The following SLC2A9 variants were observed in gnomAD, a reference collection of about 807,000 sequenced individuals.
The protein encoded by SLC2A9 is solute carrier family 2 member 9, also known as solute carrier family 2, facilitated glucose transporter member 9.
SLC2A9 carries 39 observed loss-of-function variants against 50.6 expected under a neutral mutation model. The observed-to-expected ratio is 0.77, with a 90% CI of 0.60 to 1.01. SLC2A9 has a LOEUF of 1.01. Ranked by LOEUF, SLC2A9 falls within the 50% of genes least tolerant of loss-of-function variation. SLC2A9 has a pLI of 0.00. For missense variants in SLC2A9, 686 were observed against 677.6 expected, an observed-to-expected ratio of 1.01 and a Z score of -0.14; for synonymous variants, 324 against 276.9, an observed-to-expected ratio of 1.17 and a Z score of -1.69.
chr4:9,875,356 G>A (rs925537858), intron 10 of SLC2A9, among the ~76,000 whole-genome samples: 7 of 152,278 alleles, frequency 4.6e-5, no homozygotes, highest in African/African-American at 1.2e-4. Context: ...GGGATGCTGT[G>A]TCTTTAGAAA....
chr4:9,887,596 G>A lies in SLC2A9; in HGVS notation c.1262C>T (p.Ala421Val). Residue 421 changes from alanine (A) to valine (V), a missense_variant, in exon 10 of 12, where the codon GCC (alanine) becomes GTC (valine). By Grantham distance (64) the Ala-to-Val change is moderately conservative (BLOSUM62 0). Coordinates refer to ENST00000264784, the MANE Select transcript of SLC2A9 (RefSeq NM_020041.3). ...VPYLSIVGILAIIASFCSGPG... is the reference protein window; with the variant it reads ...VPYLSIVGILVIIASFCSGPG... ...CCCACTGCAGAAAGAGGCGATGATG[G>A]CCAGAATGCCCACGATACTCAGGTA... 1 of 1,571,486 alleles carries A rather than the reference G, an allele frequency of 6.4e-7. No individual in the cohort carries two copies. Among genetic ancestry groups the A allele is most frequent in the Non-Finnish European group, 8.6e-7 (1 of 1,158,092 alleles).
At position 9,868,601 on chromosome 4, in the gene SLC2A9, G is replaced by T. The variant is rs556729769; in HGVS notation, c.1291+18966C>A. Among the ~76,000 whole-genome samples, 3 of 152,290 alleles carry T rather than the reference G, an allele frequency of 2.0e-5. No homozygotes were observed. The East Asian group carries it at 5.8e-4, about 29-fold the overall frequency. On this transcript the variant is annotated intron_variant, in intron 10 of 11. Transcript: ENST00000264784. ...GTCCTCTGCACCCCAGTTGTCACCT[G>T]TTGAGGAGCTCATATATAGGGGATA... is the stretch of plus-strand genomic sequence containing the variant.
chr4:9,990,745 C>T (rs980930339), intron 3 of SLC2A9, among the ~76,000 whole-genome samples: 1 of 152,154 alleles, frequency 6.6e-6, no homozygotes, highest in Non-Finnish European at 1.5e-5. Context: ...CCTGCCGTCC[C>T]GAAGTCTTCT....
chr4:10,011,741 C>G (rs1374713777), intron 2 of SLC2A9, among the ~76,000 whole-genome samples: 5 of 152,156 alleles, frequency 3.3e-5, no homozygotes, highest in Non-Finnish European at 7.3e-5. Context: ...TCACTGGAAA[C>G]AGAAAGGACA....
chr4:9,901,159 G>A (rs1258095734), intron 8 of SLC2A9, among the ~76,000 whole-genome samples: 1 of 152,146 alleles, frequency 6.6e-6, no homozygotes, highest in East Asian at 1.9e-4. Context: ...CAGGGGTTTG[G>A]GTTGGGAGCC....
At chr4:9,794,281 C>T (rs140058233), downstream of SLC2A9, among the ~76,000 whole-genome samples, 2,937 of 152,062 alleles carry the variant, frequency 0.019, 118 homozygotes, top group African/African-American at 0.066. Flanking sequence ...CAGCCTCCCG[C>T]GTAGCTGGGA....
chr4:9,856,506 T>C (rs1730731497), intron 10 of SLC2A9, among the ~76,000 whole-genome samples: 1 of 152,178 alleles, frequency 6.6e-6, no homozygotes, highest in African/African-American at 2.4e-5. Context: ...AAAGCTTATA[T>C]ACTGTTGGTG....
intron 2 of SLC2A9, among the ~76,000 whole-genome samples, chr4:10,001,608 C>T (rs1350222150): frequency 2.0e-5 from 3 of 152,176 alleles, no homozygotes; most frequent in Non-Finnish European, 1.5e-5. Context: ...TCCACCATTC[C>T]ACCACTCAAC....
chr4:9,812,251 C>A (rs1722983745), intron 3 of SLC2A9, among the ~76,000 whole-genome samples: 1 of 152,210 alleles, frequency 6.6e-6, no homozygotes, highest in Non-Finnish European at 1.5e-5. Context: ...ATTCATTCAG[C>A]TGCACTTTAT....
exon 2 of SLC2A9, chr4:9,771,352 C>T (rs1405798105): frequency 1.0e-5 from 4 of 394,446 alleles, no homozygotes; most frequent in Non-Finnish European, 1.8e-5. Flanking sequence ...GCAGGTCTGC[C>T]TTCTTGACAT....
intron 10 of SLC2A9, among the ~76,000 whole-genome samples, chr4:9,865,802 G>C (rs1454778220): frequency 6.7e-6 from 1 of 149,944 alleles, no homozygotes; most frequent in African/African-American, 2.5e-5. Flanking sequence ...AGCTGGTTTT[G>C]TTAGACGGTC....
chr4:9,832,427 C>T lies in SLC2A9; in HGVS notation c.1419+2454G>A, dbSNP rs117012377. On this transcript the variant is annotated intron_variant, in intron 11 of 11. Transcript: ENST00000264784. ...CAGGAGGCTGACATTTCACAAAATA[C>T]TAAACGTATCTACCTGCCCAGTGTC... Among the ~76,000 whole-genome samples, 10 of 152,302 alleles carry T rather than the reference C, an allele frequency of 6.6e-5. No homozygotes were observed. In the East Asian group the frequency reaches 1.9e-3, roughly 29 times the overall value.
At chr4:9,987,434 AG>A (rs549814877) in intron 3 of SLC2A9, among the ~76,000 whole-genome samples, 1 of 152,332 alleles carries the variant, frequency 6.6e-6, no homozygotes, top group South Asian at 2.1e-4. Context: ...AACTTGTTTT[AG>A]GTCATATAGT....
chr4:10,032,585 T>C (rs938271834), intron 1 of SLC2A9, among the ~76,000 whole-genome samples: 1 of 151,922 alleles, frequency 6.6e-6, no homozygotes, highest in East Asian at 1.9e-4. Context: ...GAGACCAAAT[T>C]TGGCCCACAT....
intron 2 of SLC2A9, among the ~76,000 whole-genome samples, chr4:10,009,008 A>G (rs1038227985): frequency 5.3e-5 from 8 of 152,006 alleles, no homozygotes; most frequent in African/African-American, 1.7e-4. Flanking sequence ...TGAGGGGACA[A>G]AACTCTGGGA....
chr4:10,002,387 G>A (rs973313668), intron 2 of SLC2A9, among the ~76,000 whole-genome samples: 87 of 152,222 alleles, frequency 5.7e-4, no homozygotes, highest in Non-Finnish European at 1.2e-3. Context: ...CAAGGGGCCT[G>A]AGAGTTATAT....
chr4:9,946,734 ATAAGAACAGT>A (rs1749243744), intron 5 of SLC2A9, among the ~76,000 whole-genome samples: 2 of 152,224 alleles, frequency 1.3e-5, no homozygotes, highest in Non-Finnish European at 1.5e-5. Context: ...CTTGTGTTAC[ATAAGAACAGT>A]CCAGAATGTC....
At chr4:9,935,337 G>A (rs895543298) in intron 6 of SLC2A9, among the ~76,000 whole-genome samples, 9 of 152,168 alleles carry the variant, frequency 5.9e-5, no homozygotes, top group East Asian at 5.8e-4. Context: ...CTCATTCTGT[G>A]CTGTCTCACT....
chr4:9,860,978 T>C (rs1014353120), intron 10 of SLC2A9, among the ~76,000 whole-genome samples: 5 of 152,210 alleles, frequency 3.3e-5, no homozygotes, highest in Non-Finnish European at 7.3e-5. Flanking sequence ...TGGAGAGGCC[T>C]TCCCTGGCTA....
Sources: allele counts gnomAD v4.1 joint callset (sites outside exome capture counted in the v4.1 genomes callset), GRCh38; gene constraint gnomAD v4.1.1; transcripts MANE v1.5; gene names NCBI Gene and HGNC (gene_info 2026-07-23, HGNC 2026-07-21).